The following CACNA2D3 variants were observed in gnomAD, a reference collection of about 807,000 sequenced individuals.
The protein encoded by CACNA2D3 is calcium voltage-gated channel auxiliary subunit alpha2delta 3.
Under a neutral mutation model 160.6 loss-of-function variants are expected in CACNA2D3, and 60 were observed. The observed-to-expected ratio is 0.37, with a 90% CI of 0.30 to 0.46. The LOEUF (loss-of-function observed/expected upper bound fraction) is 0.46. Among genes scored for constraint, CACNA2D3 ranks in the 20% least tolerant of loss-of-function variants. The pLI, the probability that CACNA2D3 is intolerant of heterozygous loss-of-function variation, is 1.00. For synonymous variants in CACNA2D3, 558 were observed against 492.9 expected (o/e 1.13, Z -1.75); for missense variants, 1,205 against 1,365.0 (o/e 0.88, Z 1.85).
chr3:54,515,869 A>G (rs80322542), intron 5 of CACNA2D3, among the ~76,000 whole-genome samples: 315 of 152,332 alleles, frequency 2.1e-3, no homozygotes, highest in African/African-American at 7.2e-3. Flanking sequence ...TCAAGAAGTG[A>G]CTGTGCAGTC....
intron 17 of CACNA2D3, among the ~76,000 whole-genome samples, chr3:54,863,049 A>G (rs946376542): frequency 6.6e-6 from 1 of 152,216 alleles, no homozygotes; most frequent in Non-Finnish European, 1.5e-5. Flanking sequence ...TGTCACAGAC[A>G]TACTTTCAAA....
chr3:54,810,241 G>T (rs1221718893), intron 13 of CACNA2D3, among the ~76,000 whole-genome samples: 2 of 152,178 alleles, frequency 1.3e-5, no homozygotes, highest in African/African-American at 4.8e-5. Flanking sequence ...CATTCTGGGT[G>T]CCATGTAAAG....
At chr3:54,265,781 C>CA (rs539083078) in intron 2 of CACNA2D3, among the ~76,000 whole-genome samples, 2,108 of 130,578 alleles carry the variant, frequency 0.016, 49 homozygotes, top group South Asian at 0.088. Context: ...CATATGAAGG[C>CA]AAAAAAAAAA....
intron 5 of CACNA2D3, among the ~76,000 whole-genome samples, chr3:54,553,859 GCTA>G (rs1211468955): frequency 2.0e-5 from 3 of 152,190 alleles, no homozygotes; most frequent in African/African-American, 7.2e-5. Flanking sequence ...GGCCATGCTC[GCTA>G]CAGATTTTGG....
At chr3:54,405,957 A>G (rs879745285) in intron 4 of CACNA2D3, among the ~76,000 whole-genome samples, 4 of 152,146 alleles carry the variant, frequency 2.6e-5, no homozygotes, top group Non-Finnish European at 5.9e-5. Flanking sequence ...GGGGCTCAGC[A>G]TCACTAATCA....
chr3:54,638,515 GC>G (rs1285080501), intron 10 of CACNA2D3: 1 of 151,966 alleles, frequency 6.6e-6, no homozygotes, highest in Non-Finnish European at 1.5e-5. Context: ...TTGGGACCTA[GC>G]TCGGCCTGGC....
At chr3:54,332,128 C>T (rs540925654) in intron 3 of CACNA2D3, among the ~76,000 whole-genome samples, 1 of 152,320 alleles carries the variant, frequency 6.6e-6, no homozygotes, top group East Asian at 1.9e-4. Context: ...ATTAAGCCTT[C>T]ATCAACAACA....
At chr3:54,436,407 A>G (rs1171287991) in intron 4 of CACNA2D3, among the ~76,000 whole-genome samples, 3 of 152,208 alleles carry the variant, frequency 2.0e-5, no homozygotes, top group Admixed American at 6.5e-5. Context: ...ATACCATTTG[A>G]CCCAGCAATG....
intron 13 of CACNA2D3, among the ~76,000 whole-genome samples, chr3:54,793,719 G>A (rs1478617982): frequency 2.0e-5 from 3 of 152,118 alleles, no homozygotes; most frequent in Non-Finnish European, 2.9e-5. Flanking sequence ...TTTGTTTGTC[G>A]GGTTTTAATA....
At chr3:54,799,129 T>C (rs1007865027) in intron 13 of CACNA2D3, among the ~76,000 whole-genome samples, 3 of 152,238 alleles carry the variant, frequency 2.0e-5, no homozygotes, top group Admixed American at 2.0e-4. Flanking sequence ...CATTCTGTTA[T>C]TTTTAGTGTG....
At chr3:54,265,037 A>G (rs1048697569) in intron 2 of CACNA2D3, among the ~76,000 whole-genome samples, 5 of 152,336 alleles carry the variant, frequency 3.3e-5, no homozygotes, top group African/African-American at 1.2e-4. Context: ...CAGTGCTGCA[A>G]TAAACATACT....
At chr3:54,903,850 T>C (rs1253726487) in intron 27 of CACNA2D3, among the ~76,000 whole-genome samples, 2 of 152,246 alleles carry the variant, frequency 1.3e-5, no homozygotes, top group African/African-American at 4.8e-5. Context: ...GCTGCATGTA[T>C]GTCTTCTTCT....
intron 13 of CACNA2D3, among the ~76,000 whole-genome samples, chr3:54,772,022 C>G (rs1383680521): frequency 5.3e-5 from 8 of 151,756 alleles, no homozygotes; most frequent in Non-Finnish European, 1.0e-4. Context: ...CCCAGAGGAG[C>G]CTGGTTCTCT....
At chr3:54,684,886 A>G (rs1188953759) in intron 11 of CACNA2D3, among the ~76,000 whole-genome samples, 3 of 152,124 alleles carry the variant, frequency 2.0e-5, no homozygotes, top group South Asian at 4.1e-4. Flanking sequence ...GAGGGTCTAC[A>G]AAGTCGCCTC....
intron 5 of CACNA2D3, among the ~76,000 whole-genome samples, chr3:54,515,293 T>C (rs1435717921): frequency 2.0e-5 from 3 of 152,100 alleles, no homozygotes; most frequent in Admixed American, 1.3e-4. Flanking sequence ...TTAATAGCGC[T>C]GACTTTCCAC....
At chr3:54,479,708 C>T (rs1700902015) in intron 4 of CACNA2D3, among the ~76,000 whole-genome samples, 1 of 152,136 alleles carries the variant, frequency 6.6e-6, no homozygotes, top group Non-Finnish European at 1.5e-5. Flanking sequence ...TCATGACAGA[C>T]ACAATTTTAC....
At chr3:54,251,203 ATGGGGTGATAT>A (rs1702183356) in intron 2 of CACNA2D3, among the ~76,000 whole-genome samples, 1 of 152,008 alleles carries the variant, frequency 6.6e-6, no homozygotes, top group Non-Finnish European at 1.5e-5. Flanking sequence ...GAAAAGAGGG[ATGGGGTGATAT>A]TGGGGTGAGA....
At chr3:54,289,354 C>A (rs557241711) in intron 2 of CACNA2D3, among the ~76,000 whole-genome samples, 1 of 151,898 alleles carries the variant, frequency 6.6e-6, no homozygotes, top group Admixed American at 6.6e-5. Flanking sequence ...TTACAAGGGA[C>A]ATGAAGGACC....
intron 31 of CACNA2D3, among the ~76,000 whole-genome samples, chr3:54,990,346 C>T (rs1457056658): frequency 6.6e-6 from 1 of 152,180 alleles, no homozygotes; most frequent in Non-Finnish European, 1.5e-5. Flanking sequence ...GCCTGGCCAA[C>T]AAGGTGAAAC....
Sources: gnomAD v4.1 joint callset for allele counts (sites outside exome capture counted in the v4.1 genomes callset) on GRCh38, gnomAD v4.1.1 for gene constraint, MANE v1.5 for transcripts, NCBI Gene and HGNC (gene_info 2026-07-23, HGNC 2026-07-21) for gene names.